The following DZANK1 variants were observed in gnomAD, a reference collection of about 807,000 sequenced individuals.
DZANK1 encodes double zinc ribbon and ankyrin repeat domains 1.
A neutral mutation model predicts 94.5 loss-of-function variants in DZANK1; 91 were observed. That is an observed-to-expected ratio of 0.96 (90% confidence interval 0.81 to 1.15). DZANK1 has a LOEUF of 1.15. Among genes scored for constraint, DZANK1 ranks in the 50% most tolerant of loss-of-function variants. DZANK1 has a pLI of 0.00. For missense variants in DZANK1, 903 were observed against 916.4 expected (o/e 0.99, Z 0.19); for synonymous variants, 312 against 325.3 (o/e 0.96, Z 0.44).
rs193002945 is a variant in DZANK1, at chr20:18,401,178, C to T, written c.1433-2552G>A. ...TCTCAAACTCCTGACCTCAGGTGAT[C>T]TGCCTGCCTCGGCCTCCCAAAGTGT... On this transcript the variant is annotated intron_variant, in intron 13 of 20. Transcript: ENST00000262547. Among the ~76,000 whole-genome samples, 36 of 152,308 alleles carry T rather than the reference C, an allele frequency of 2.4e-4. No individual in the cohort carries two copies. In the East Asian group the frequency reaches 6.6e-3, roughly 28 times the overall value.
intron 1 of DZANK1, 57 bp from the exon 2 acceptor site, chr20:18,465,434 T>A: frequency 1.6e-6 from 1 of 636,054 alleles, no homozygotes; most frequent in Non-Finnish European, 2.4e-6. Flanking sequence ...GAGCAGCACT[T>A]AATTTAAATG....
exon 2 of DZANK1, chr20:18,465,278 A>G: frequency 6.2e-7 from 1 of 1,606,900 alleles, no homozygotes; most frequent in Non-Finnish European, 8.5e-7. Flanking sequence ...GCGTATTGTT[A>G]TCAATTTCAT....
chr20:18,424,826 C>T (rs879865025), intron 10 of DZANK1, among the ~76,000 whole-genome samples: 2 of 151,954 alleles, frequency 1.3e-5, no homozygotes, highest in African/African-American at 2.4e-5. Flanking sequence ...ATGAATCAAC[C>T]AGTAGATCCA....
At chr20:18,389,765 T>G in exon 19 of DZANK1, 1 of 1,614,032 alleles carries the variant, frequency 6.2e-7, no homozygotes, top group Non-Finnish European at 8.5e-7. Flanking sequence ...TCATGGTGCT[T>G]ATTCATAACA....
At position 18,390,490 on chromosome 20, in the gene DZANK1, C is replaced by G. The variant is rs749227278; in HGVS notation, c.1810-31G>C. On this transcript the variant is annotated intron_variant, in intron 17 of 20. Coordinates refer to ENST00000262547, the Ensembl canonical transcript of DZANK1. The stretch of plus-strand genomic sequence containing the variant: ...GGATTACAGAATGTGGTCATTTCCC[C>G]CACTTCAAAATATTCACTCAAGGCA... 5.5e-5 allele frequency: 88 copies of G among 1,601,724 alleles called. No individual in the cohort carries two copies. The Admixed American group carries it at 1.4e-3, about 26-fold the overall frequency.
intron 5 of DZANK1, among the ~76,000 whole-genome samples, 192 bp from the exon 6 acceptor site, chr20:18,452,931 CAGACTGAGA>C (rs965269143): frequency 3.3e-5 from 5 of 152,198 alleles, no homozygotes; most frequent in Non-Finnish European, 7.4e-5. Context: ...AAAACAAGCC[CAGACTGAGA>C]AGATCATCTT....
intron 9 of DZANK1, among the ~76,000 whole-genome samples, chr20:18,431,571 G>A (rs979446254): frequency 1.3e-5 from 2 of 152,212 alleles, no homozygotes; most frequent in African/African-American, 4.8e-5. Flanking sequence ...AGATTGTCAG[G>A]CCAGGGTTTC....
chr20:18,384,515 C>T (rs751555314), exon 21 of DZANK1: 19 of 1,610,992 alleles, frequency 1.2e-5, no homozygotes, highest in Non-Finnish European at 1.4e-5. Context: ...AGAGCCAGGT[C>T]GTATGCTGTC....
chr20:18,398,640 G>A lies in DZANK1; in HGVS notation c.1433-14C>T. The stretch of plus-strand genomic sequence containing the variant: ...TTCTCCAGTACCCTAAGAAAGAAGA[G>A]AAACCCCGCCATCTGGATGATTCTC... On this transcript the variant is annotated splice_polypyrimidine_tract_variant and intron_variant, in intron 13 of 20. Coordinates refer to ENST00000262547, the Ensembl canonical transcript of DZANK1. 3 of 1,609,182 alleles carry A rather than the reference G, an allele frequency of 1.9e-6. No individual in the cohort carries two copies. The highest frequency in any genetic ancestry group is 2.6e-6 in the Non-Finnish European group (3 of 1,175,596).
At chr20:18,454,111 T>C in intron 4 of DZANK1, 2 of 482,664 alleles carry the variant, frequency 4.1e-6, no homozygotes. Flanking sequence ...ACTGTGGGAG[T>C]CTGGGTAACA....
At position 18,414,604 on chromosome 20, in the gene DZANK1, C is replaced by T. The variant is rs569664368; in HGVS notation, c.1078-92G>A. The T allele has an allele frequency of 2.1e-5, 30 of 1,408,996 alleles. No homozygotes were observed. The South Asian group carries it at 3.6e-4, about 17-fold the overall frequency. 87.3% of individuals were successfully genotyped at this position (1,408,996 alleles called of 1,614,324 possible). A position where few individuals can be genotyped will look rare whatever the true frequency, so the allele number is the denominator to read the frequency against. ...CCATACAAATTAACATATGCCCAGACTCTCTGACCCAGCCATTCTACCTTC... is the reference window on the plus strand; with the variant it reads ...CCATACAAATTAACATATGCCCAGATTCTCTGACCCAGCCATTCTACCTTC... On this transcript the variant is annotated intron_variant, in intron 11 of 20. Transcript: ENST00000262547.
intron 2 of DZANK1, among the ~76,000 whole-genome samples, chr20:18,464,423 C>T (rs1047368707): frequency 3.3e-5 from 5 of 152,130 alleles, no homozygotes; most frequent in Non-Finnish European, 7.4e-5. Context: ...AAACCCTGTG[C>T]ACCTCATACA....
At position 18,393,769 on chromosome 20, in the gene DZANK1, AT is replaced by A. The variant is rs1568878633; in HGVS notation, c.1750del (p.Ile584SerfsTer4). The A allele has an allele frequency of 6.2e-7, 1 of 1,613,236 alleles. No homozygotes were observed. On this transcript the variant is annotated frameshift_variant, in exon 17 of 21. Transcript: ENST00000262547. LOFTEE classifies it high-confidence loss of function. ...GGTCTTGAAATTCTTTATCCTTTTG[AT>A]TTTTTCAATAGTATCTGAGGTACTC... is the stretch of plus-strand genomic sequence containing the variant.
chr20:18,438,122 G>A (rs1289507236), intron 8 of DZANK1, among the ~76,000 whole-genome samples: 2 of 150,340 alleles, frequency 1.3e-5, no homozygotes, highest in Non-Finnish European at 1.5e-5. Context: ...GGGAGGCTGA[G>A]GCAGGAGAAT....
Position 18,402,290 on chromosome 20 carries a change from T to C in DZANK1, c.1433-3664A>G, listed in dbSNP as rs545487577. Among the ~76,000 whole-genome samples, 7 of 151,956 alleles carry C rather than the reference T, an allele frequency of 4.6e-5. No individual in the cohort carries two copies. The South Asian group carries it at 1.3e-3, about 27-fold the overall frequency. On this transcript the variant is annotated intron_variant, in intron 13 of 20. Transcript: ENST00000262547. The stretch of plus-strand genomic sequence containing the variant: ...TGCAGCTGGTGCCAGGGGACAGCGG[T>C]CTCCCAATAGATAGAAGACACCTGA...
intron 13 of DZANK1, among the ~76,000 whole-genome samples, chr20:18,407,589 G>C (rs189996851): frequency 1.2e-4 from 19 of 152,258 alleles, no homozygotes; most frequent in Admixed American, 1.2e-3. Flanking sequence ...AGACACCATG[G>C]ACCAATCCTG....
chr20:18,461,360 A>G (rs2059465763), intron 2 of DZANK1, among the ~76,000 whole-genome samples: 1 of 152,190 alleles, frequency 6.6e-6, no homozygotes, highest in South Asian at 2.1e-4. Flanking sequence ...TTTTAAAAAA[A>G]GAGCTTCCTC....
chr20:18,391,526 C>T (rs956032489), intron 17 of DZANK1, among the ~76,000 whole-genome samples: 2 of 152,148 alleles, frequency 1.3e-5, no homozygotes, highest in Non-Finnish European at 2.9e-5. Context: ...AGTCACTGGG[C>T]CTGGCTGAGT....
At chr20:18,407,496 C>T (rs2057022035) in intron 13 of DZANK1, among the ~76,000 whole-genome samples, 2 of 152,170 alleles carry the variant, frequency 1.3e-5, no homozygotes, top group Non-Finnish European at 2.9e-5. Context: ...AAATACCTAA[C>T]TTTTCAAGGC....
Sources: allele counts gnomAD v4.1 joint callset (sites outside exome capture counted in the v4.1 genomes callset), GRCh38; gene constraint gnomAD v4.1.1; transcripts MANE v1.5; gene names NCBI Gene and HGNC (gene_info 2026-07-23, HGNC 2026-07-21).